Variants in NFIX observed in about 807,000 individuals in gnomAD.
NFIX encodes nuclear factor I X, also known as nuclear factor 1 X-type.
A neutral mutation model predicts 53.3 loss-of-function variants in NFIX; 2 were observed. The ratio of observed to expected loss-of-function variants is 0.04; its 90% CI spans 0.02 to 0.12. The LOEUF (loss-of-function observed/expected upper bound fraction) is 0.12. NFIX is among the 10% of genes least tolerant of loss of function. NFIX has a pLI of 1.00. For missense variants in NFIX, 310 were observed against 674.5 expected (o/e 0.46, Z 5.99); for synonymous variants, 244 against 289.0 (o/e 0.84, Z 1.58).
Position 13,090,850 on chromosome 19 carries a change from C to T in NFIX, c.1494+460C>T, listed in dbSNP as rs1309554335. Among the ~76,000 whole-genome samples, 1 of 152,198 alleles carries T rather than the reference C, an allele frequency of 6.6e-6. No individual in the cohort carries two copies. Among genetic ancestry groups the T allele is most frequent in the Non-Finnish European group, 1.5e-5 (1 of 68,026 alleles). The stretch of plus-strand genomic sequence containing the variant: ...CAGAGGGCCTGGTGGGCTGCGTGCC[C>T]AGAACTGGCACTGAGGGCAGGGCAG... On this transcript the variant is annotated intron_variant, in intron 10 of 10. Transcript: ENST00000592199. The surrounding 1 kb of genome is among the most constrained non-coding windows in gnomAD (Gnocchi z 6.6).
intron 1 of NFIX, among the ~76,000 whole-genome samples, chr19:12,997,122 G>A (rs2145120911): frequency 6.6e-6 from 1 of 152,374 alleles, no homozygotes; most frequent in South Asian, 2.1e-4. Context: ...TGTGCCAAGT[G>A]TGTCCACAGC....
chr19:13,030,683 G>A (rs1179732703), intron 2 of NFIX, among the ~76,000 whole-genome samples: 2 of 152,112 alleles, frequency 1.3e-5, no homozygotes, highest in African/African-American at 2.4e-5. Context: ...CCTCTGGTTT[G>A]TTTTGGTCCC....
Position 13,080,358 on chromosome 19 carries a change from C to T in NFIX, c.1079-1322C>T, listed in dbSNP as rs148583189. 5.4e-3 allele frequency among the ~76,000 whole-genome samples: 816 copies of T among 152,260 alleles called. 7 individuals carry two copies. Among genetic ancestry groups the T allele is most frequent in the African/African-American group, 0.019 (791 of 41,546 alleles). On this transcript the variant is annotated intron_variant, in intron 7 of 10. Coordinates refer to ENST00000592199, the MANE Select transcript of NFIX (RefSeq NM_001365902.3). ...CACTGAAGCCTTGAACTCCCAGACTCAAGTGATCCCTCCTGTGTGCCACCC... is the reference window on the plus strand; with the variant it reads ...CACTGAAGCCTTGAACTCCCAGACTTAAGTGATCCCTCCTGTGTGCCACCC...
At chr19:13,070,458 GAGA>G (rs1194390201) in intron 2 of NFIX, 1 of 152,518 alleles carries the variant, frequency 6.6e-6, no homozygotes, top group Non-Finnish European at 1.5e-5. Flanking sequence ...GGCCAGCGGG[GAGA>G]AGGAGAACAC....
At chr19:13,034,889 T>A (rs1022053046) in intron 2 of NFIX, among the ~76,000 whole-genome samples, 1 of 152,200 alleles carries the variant, frequency 6.6e-6, no homozygotes, top group Non-Finnish European at 1.5e-5. Context: ...TCACCATTGA[T>A]ATCAGCTCCC....
In NFIX at chr19:13,011,020, TC is replaced by T. The variant is rs543459943; in HGVS notation, c.28-13995del. ...TATACTTTTTATATGTAAGAACCGC[TC>T]CCCCCTCTTCCCGCTCCACGTTTGT... On this transcript the variant is annotated intron_variant, in intron 1 of 10. Coordinates refer to ENST00000592199, the MANE Select transcript of NFIX (RefSeq NM_001365902.3). This position sits in a 1 kb window ranked among gnomAD's most constrained non-coding sequence, Gnocchi z 6.5. Among the ~76,000 whole-genome samples the T allele has an allele frequency of 6.2e-4, 94 of 152,084 alleles. No homozygotes were observed. Among genetic ancestry groups the T allele is most frequent in the African/African-American group, 2.2e-3 (91 of 41,484 alleles).
rs181062849 is a variant in NFIX at position 13,028,416 on chromosome 19, G to A, written c.559+2864G>A. ...CAGTAACGGTGATGTGGTGGTAAAT[G>A]TGGGGGTGTGGCTTTGCTCCCAGGT... On this transcript the variant is annotated intron_variant, in intron 2 of 10. Transcript: ENST00000592199. The surrounding 1 kb of genome is among the most constrained non-coding windows in gnomAD (Gnocchi z 4.2). Among the ~76,000 whole-genome samples the A allele has an allele frequency of 4.3e-4, 65 of 152,318 alleles. No homozygotes were observed. The highest frequency in any genetic ancestry group is 1.6e-3 in the African/African-American group (65 of 41,576).
intron 2 of NFIX, among the ~76,000 whole-genome samples, chr19:13,059,369 G>C (rs536408561): frequency 6.6e-6 from 1 of 152,316 alleles, no homozygotes; most frequent in South Asian, 2.1e-4. Flanking sequence ...CACAGGGCCT[G>C]GGGAGGCTGG....
chr19:13,051,233 A>T lies in NFIX; in HGVS notation c.560-21814A>T, dbSNP rs550994732. ...CTATACCAGCCCCACTCAGGGCCAG[A>T]GGGCTCTAAATGAGTCACTCAGCTC... On this transcript the variant is annotated intron_variant, in intron 2 of 10. Coordinates refer to ENST00000592199, the MANE Select transcript of NFIX (RefSeq NM_001365902.3). This position sits in a 1 kb window ranked among gnomAD's most constrained non-coding sequence, Gnocchi z 5.1. 1.3e-4 allele frequency among the ~76,000 whole-genome samples: 20 copies of T among 152,300 alleles called. No homozygotes were observed. Among genetic ancestry groups the T allele is most frequent in the African/African-American group, 4.8e-4 (20 of 41,564 alleles).
In NFIX at chr19:13,092,858, G is replaced by A. The variant is rs570073493; in HGVS notation, c.1495-1777G>A. ...AGGCCTGGGTTTCCGCCTTAGCCTC[G>A]CCAGGCCCCAATGAGCCTCTGTTTG... On this transcript the variant is annotated intron_variant, in intron 10 of 10. Coordinates refer to ENST00000592199, the MANE Select transcript of NFIX (RefSeq NM_001365902.3). Among the ~76,000 whole-genome samples the A allele has an allele frequency of 3.9e-5, 6 of 152,346 alleles. No homozygotes were observed. In the South Asian group the frequency reaches 8.3e-4, roughly 21 times the overall value.
rs547487385 is a variant in NFIX at position 13,045,644 on chromosome 19, A to G, written c.559+20092A>G. The stretch of plus-strand genomic sequence containing the variant: ...CTCAGCAGTCTGTTGCCAGGGAGGT[A>G]GGAGAGAGGGGCAGCAGGCACACTG... On this transcript the variant is annotated intron_variant, in intron 2 of 10. Transcript: ENST00000592199. This position sits in a 1 kb window ranked among gnomAD's most constrained non-coding sequence, Gnocchi z 4.4. Among the ~76,000 whole-genome samples the G allele has an allele frequency of 7.9e-5, 12 of 152,268 alleles. No homozygotes were observed. The highest frequency in any genetic ancestry group is 2.9e-4 in the African/African-American group (12 of 41,552).
intron 1 of NFIX, among the ~76,000 whole-genome samples, chr19:12,999,678 G>A (rs1053446717): frequency 6.6e-6 from 1 of 152,198 alleles, no homozygotes; most frequent in Admixed American, 6.5e-5. Flanking sequence ...CATACAAGCA[G>A]CCGAACGTTC....
rs1314794423 is a variant in NFIX, at chr19:13,027,308, T to C, written c.559+1756T>C. Among the ~76,000 whole-genome samples, 2 of 152,174 alleles carry C rather than the reference T, an allele frequency of 1.3e-5. No homozygotes were observed. The highest frequency in any genetic ancestry group is 2.9e-5 in the Non-Finnish European group (2 of 68,034). ...CTCCCTTCAGCTTGAATTTTTTCTTTTGTCTTTTTTCTTTTTGGAAAACAG... is the reference window on the plus strand; with the variant it reads ...CTCCCTTCAGCTTGAATTTTTTCTTCTGTCTTTTTTCTTTTTGGAAAACAG... On this transcript the variant is annotated intron_variant, in intron 2 of 10. Transcript: ENST00000592199. The surrounding 1 kb of genome is among the most constrained non-coding windows in gnomAD (Gnocchi z 4.3).
In NFIX at chr19:13,040,628, G is replaced by T. The variant is rs2014551337; in HGVS notation, c.559+15076G>T. 6.6e-6 allele frequency among the ~76,000 whole-genome samples: 1 copy of T among 152,198 alleles called. No individual in the cohort carries two copies. Among genetic ancestry groups the T allele is most frequent in the African/African-American group, 2.4e-5 (1 of 41,444 alleles). On this transcript the variant is annotated intron_variant, in intron 2 of 10. Coordinates refer to ENST00000592199, the MANE Select transcript of NFIX (RefSeq NM_001365902.3). The surrounding 1 kb of genome is among the most constrained non-coding windows in gnomAD (Gnocchi z 4.2). ...CCTCCATCTCCTGGAGACCCCTTCA[G>T]TCTGGGCCTCTCGGGTCAGAGATGA... is the stretch of plus-strand genomic sequence containing the variant.
At chr19:13,058,903 G>A (rs879798379) in intron 2 of NFIX, among the ~76,000 whole-genome samples, 1 of 152,026 alleles carries the variant, frequency 6.6e-6, no homozygotes, top group Admixed American at 6.5e-5. Context: ...GGGTGTGGGG[G>A]TTGAGAACCC....
chr19:13,077,025 C>A (rs751010010), intron 6 of NFIX, among the ~76,000 whole-genome samples: 1 of 152,214 alleles, frequency 6.6e-6, no homozygotes, highest in Admixed American at 6.5e-5. Context: ...CCTAGGGGAG[C>A]CTTGAGAGGC....
intron 1 of NFIX, chr19:13,024,559 G>T: frequency 6.5e-7 from 1 of 1,531,234 alleles, no homozygotes; most frequent in South Asian, 1.2e-5. Flanking sequence ...GCCCCCGCGT[G>T]TGCGTCCACG....
chr19:13,044,735 G>A (rs1053557675), intron 2 of NFIX, among the ~76,000 whole-genome samples: 4 of 152,102 alleles, frequency 2.6e-5, no homozygotes, highest in East Asian at 3.8e-4. Flanking sequence ...AACCTGCCTC[G>A]CTATTAATCT....
chr19:13,041,234 G>T (rs954208269), intron 2 of NFIX, among the ~76,000 whole-genome samples: 1 of 152,164 alleles, frequency 6.6e-6, no homozygotes, highest in Non-Finnish European at 1.5e-5. Context: ...TGATTATGTT[G>T]TTCTATGATT....
Sources: allele counts gnomAD v4.1 joint callset (sites outside exome capture counted in the v4.1 genomes callset), GRCh38; gene constraint gnomAD v4.1.1; non-coding constraint Gnocchi (gnomAD v3.1); transcripts MANE v1.5; gene names NCBI Gene and HGNC (gene_info 2026-07-23, HGNC 2026-07-21).